The following NTM variants were observed in gnomAD, a reference collection of about 807,000 sequenced individuals.
The protein encoded by NTM is neurotrimin, also known as IgLON family member 2.
A neutral mutation model predicts 42.1 loss-of-function variants in NTM; 13 were observed. The ratio of observed to expected loss-of-function variants is 0.31; its 90% CI spans 0.20 to 0.49. The LOEUF is 0.49. Among genes scored for constraint, NTM ranks in the 20% least tolerant of loss-of-function variants. The pLI is 0.99. For synonymous variants in NTM, 187 were observed against 179.2 expected, an observed-to-expected ratio of 1.04 and a Z score of -0.35; for missense variants, 373 against 452.8, an observed-to-expected ratio of 0.82 and a Z score of 1.60.
chr11:131,807,369 A>C (rs1200864159), intron 1 of NTM, among the ~76,000 whole-genome samples: 2 of 152,212 alleles, frequency 1.3e-5, no homozygotes, highest in African/African-American at 4.8e-5. Context: ...AAAAGCTACA[A>C]GGCCACTTCA....
intron 1 of NTM, among the ~76,000 whole-genome samples, chr11:131,881,767 A>C (rs545223253): frequency 6.6e-6 from 1 of 152,258 alleles, no homozygotes; most frequent in Admixed American, 6.5e-5. Context: ...TTGTCTACCT[A>C]CTCTTCACTA....
At chr11:131,476,248 C>T (rs561078859) in intron 1 of NTM, among the ~76,000 whole-genome samples, 2 of 152,348 alleles carry the variant, frequency 1.3e-5, no homozygotes, top group Admixed American at 6.5e-5. Context: ...GAGCACTCTT[C>T]CATGCTATCT....
At chr11:131,394,998 A>T (rs1328420616) in intron 1 of NTM, among the ~76,000 whole-genome samples, 1 of 152,180 alleles carries the variant, frequency 6.6e-6, no homozygotes, top group African/African-American at 2.4e-5. Flanking sequence ...CTGGGGTGTT[A>T]GGTACGGGAC....
intron 1 of NTM, among the ~76,000 whole-genome samples, chr11:131,675,738 T>A (rs1478508688): frequency 6.6e-6 from 1 of 152,156 alleles, no homozygotes; most frequent in Non-Finnish European, 1.5e-5. Flanking sequence ...CAGAGGGCCT[T>A]GACTTAGAAG....
intron 2 of NTM, among the ~76,000 whole-genome samples, chr11:131,917,399 G>T (rs934962371): frequency 2.0e-5 from 3 of 152,210 alleles, no homozygotes; most frequent in African/African-American, 7.2e-5. Flanking sequence ...CAAATACATA[G>T]AAGTCATTGA....
At chr11:132,315,771 G>T (rs2095412536) in intron 7 of NTM, among the ~76,000 whole-genome samples, 1 of 152,050 alleles carries the variant, frequency 6.6e-6, no homozygotes, top group Non-Finnish European at 1.5e-5. Flanking sequence ...ATTCTACCCG[G>T]CACAAATAGT....
intron 1 of NTM, among the ~76,000 whole-genome samples, chr11:131,812,575 A>T (rs1473817285): frequency 6.6e-6 from 1 of 152,130 alleles, no homozygotes; most frequent in Non-Finnish European, 1.5e-5. Context: ...CAAATGAGCT[A>T]CTAGGGATGC....
chr11:131,441,679 A>G (rs1949638586), intron 1 of NTM, among the ~76,000 whole-genome samples: 1 of 152,166 alleles, frequency 6.6e-6, no homozygotes, highest in African/African-American at 2.4e-5. Context: ...GCTAGTAACC[A>G]TCCATGATCT....
chr11:131,852,406 T>C (rs2045654600), intron 1 of NTM, among the ~76,000 whole-genome samples: 1 of 152,234 alleles, frequency 6.6e-6, no homozygotes, highest in African/African-American at 2.4e-5. Context: ...ATCTTACATT[T>C]CAATACAATC....
chr11:131,590,225 T>G (rs1035183880), intron 1 of NTM, among the ~76,000 whole-genome samples: 6 of 152,194 alleles, frequency 3.9e-5, no homozygotes, highest in African/African-American at 1.4e-4. Flanking sequence ...GAACCAGGAC[T>G]GTCTGACAGC....
intron 1 of NTM, among the ~76,000 whole-genome samples, chr11:131,657,178 C>G (rs2067308756): frequency 6.8e-6 from 1 of 147,696 alleles, no homozygotes; most frequent in Non-Finnish European, 1.5e-5. Context: ...CGAAATGGGT[C>G]AGGTGAGGGG....
At chr11:131,637,624 C>G (rs1277360047) in intron 1 of NTM, among the ~76,000 whole-genome samples, 1 of 151,664 alleles carries the variant, frequency 6.6e-6, no homozygotes, top group Non-Finnish European at 1.5e-5. Flanking sequence ...CCTCCTCATA[C>G]CATTATTGAG....
At chr11:131,468,174 C>G (rs318989) in intron 1 of NTM, among the ~76,000 whole-genome samples, 1 of 152,204 alleles carries the variant, frequency 6.6e-6, no homozygotes, top group East Asian at 1.9e-4. Flanking sequence ...TGCCTGCCCC[C>G]CTTCCTGTCT....
At chr11:131,997,707 T>G (rs2068337953) in intron 2 of NTM, among the ~76,000 whole-genome samples, 1 of 152,186 alleles carries the variant, frequency 6.6e-6, no homozygotes, top group African/African-American at 2.4e-5. Context: ...GCTGTCACAA[T>G]AATTGGAAGA....
At chr11:132,232,970 T>G (rs928402992) in intron 4 of NTM, among the ~76,000 whole-genome samples, 1 of 152,210 alleles carries the variant, frequency 6.6e-6, no homozygotes, top group Non-Finnish European at 1.5e-5. Flanking sequence ...ACAGCACAAT[T>G]AATCTGAAAG....
chr11:131,753,092 A>T (rs2082787438), intron 1 of NTM, among the ~76,000 whole-genome samples: 1 of 152,070 alleles, frequency 6.6e-6, no homozygotes, highest in African/African-American at 2.4e-5. Flanking sequence ...ACATGAACAG[A>T]CACTTCTCAA....
chr11:131,540,766 C>G (rs1015484357), intron 1 of NTM: 1 of 152,194 alleles, frequency 6.6e-6, no homozygotes, highest in African/African-American at 2.4e-5. Flanking sequence ...GCACAAGGCC[C>G]TTATCTAAAG....
intron 1 of NTM, among the ~76,000 whole-genome samples, chr11:131,397,493 A>C (rs933177111): frequency 5.3e-5 from 8 of 152,174 alleles, no homozygotes; most frequent in African/African-American, 1.9e-4. Flanking sequence ...TCCTGAATTG[A>C]AGCCCAGCTT....
At chr11:131,407,063 G>A (rs550837317) in intron 1 of NTM, among the ~76,000 whole-genome samples, 30 of 152,276 alleles carry the variant, frequency 2.0e-4, no homozygotes, top group Non-Finnish European at 3.1e-4. Context: ...TATTGAAGAC[G>A]CAAGTCTGTC....
Sources: allele counts gnomAD v4.1 joint callset (sites outside exome capture counted in the v4.1 genomes callset), GRCh38; gene constraint gnomAD v4.1.1; transcripts MANE v1.5; gene names NCBI Gene and HGNC (gene_info 2026-07-23, HGNC 2026-07-21).